The following DMD variants were observed in gnomAD, a reference collection of about 807,000 sequenced individuals.
DMD encodes dystrophin.
In DMD, 63 loss-of-function variants were observed where a neutral mutation model predicts 330.1. That is an observed-to-expected ratio of 0.19 (90% CI 0.16 to 0.24). The LOEUF is 0.24. Ranked by LOEUF, DMD falls within the 10% of genes least tolerant of loss-of-function variation. The probability of loss-of-function intolerance (pLI) is 1.00; values close to 1 mark genes in which losing one functional copy is unlikely to be tolerated. For missense variants in DMD, 3,344 were observed against 2,684.1 expected, an observed-to-expected ratio of 1.25 and a Z score of -5.43; for synonymous variants, 1,223 against 959.8, an observed-to-expected ratio of 1.27 and a Z score of -5.07.
intron 68 of DMD, 77 bp downstream of exon 68, chrX:31,182,661 A>G (rs1355658211): frequency 1.0e-6 from 1 of 1,001,066 alleles, no homozygotes; most frequent in Non-Finnish European, 1.4e-6. Context: ...CAACTGGCAC[A>G]GGAGATAAAA....
chrX:31,164,309 C>A (rs1232152922), intron 74 of DMD, among the ~76,000 whole-genome samples: 1 of 111,133 alleles, frequency 9.0e-6, no homozygotes, highest in East Asian at 2.8e-4. Flanking sequence ...GACTGTCAGA[C>A]ATTTACACAT....
chrX:32,784,075 G>A (rs1473279975), intron 7 of DMD, among the ~76,000 whole-genome samples: 1 of 110,336 alleles, frequency 9.1e-6, no homozygotes, highest in East Asian at 2.8e-4. Flanking sequence ...TTTTTAAATA[G>A]CCCCAGGATG....
chrX:32,475,139 T>G (rs1424804875), intron 21 of DMD, among the ~76,000 whole-genome samples: 1 of 111,209 alleles, frequency 9.0e-6, no homozygotes, highest in African/African-American at 3.3e-5. Flanking sequence ...ATGTTTTTGT[T>G]TGCTTTGTTG....
intron 16 of DMD, among the ~76,000 whole-genome samples, chrX:32,547,864 G>A (rs978554200): frequency 4.5e-5 from 5 of 111,271 alleles, no homozygotes; most frequent in Non-Finnish European, 7.6e-5. Context: ...GAGGAATCCT[G>A]CCTGATTAAG....
intron 63 of DMD, among the ~76,000 whole-genome samples, chrX:31,229,940 T>C (rs1269741726): frequency 2.7e-5 from 3 of 112,088 alleles, no homozygotes; most frequent in Non-Finnish European, 3.8e-5. Flanking sequence ...TTCAGACAAA[T>C]TGAGTAATTT....
rs777169841 is a variant in DMD at position 31,583,526 on chromosome X, C to T, written c.8217+44147G>A. 3.6e-5 allele frequency among the ~76,000 whole-genome samples: 4 copies of T among 110,911 alleles called. No individual in the cohort carries two copies. In the South Asian group the frequency reaches 1.6e-3, roughly 43 times the overall value. ...TGATTTTCTTAGTGAGAGCAGTTTG[C>T]CTGGCACGGTAGGAGTAATAGCCAG... is the stretch of plus-strand genomic sequence containing the variant. On this transcript the variant is annotated intron_variant, in intron 55 of 78. Coordinates refer to ENST00000357033, the MANE Select transcript of DMD (RefSeq NM_004006.3).
intron 9 of DMD, among the ~76,000 whole-genome samples, chrX:32,663,955 A>T (rs921476033): frequency 2.7e-5 from 3 of 110,959 alleles, no homozygotes; most frequent in African/African-American, 9.8e-5. Context: ...AGAAAGGAGG[A>T]GGTGATTGTG....
rs1299919654 is a variant in DMD at position 32,483,052 on chromosome X, C to T, written c.2803+1867G>A. On this transcript the variant is annotated intron_variant, in intron 21 of 78. Transcript: ENST00000357033. Reference sequence around the variant, plus strand: ...TGAGATTTACTCCCTGGTGCCAGTTCGGATATAATGCATACACATGTGCAA... The same window carrying T: ...TGAGATTTACTCCCTGGTGCCAGTTTGGATATAATGCATACACATGTGCAA... 1.9e-5 allele frequency among the ~76,000 whole-genome samples: 2 copies of T among 103,847 alleles called. 1 individual carries two copies. Among genetic ancestry groups the T allele is most frequent in the East Asian group, 6.2e-4 (2 of 3,246 alleles). 90.2% of individuals were successfully genotyped at this position (103,847 alleles called of 115,157 possible). A position where few individuals can be genotyped will look rare whatever the true frequency, so the allele number is the denominator to read the frequency against.
At chrX:31,740,274 T>C (rs776829120) in intron 51 of DMD, among the ~76,000 whole-genome samples, 24 of 112,586 alleles carry the variant, frequency 2.1e-4, no homozygotes, top group Admixed American at 1.4e-3. Flanking sequence ...TCACATTTCT[T>C]GAAACTCTAT....
intron 61 of DMD, among the ~76,000 whole-genome samples, chrX:31,325,267 T>C (rs2056698510): frequency 9.1e-6 from 1 of 109,650 alleles, no homozygotes; most frequent in Admixed American, 9.8e-5. Flanking sequence ...AGCTCTCCTG[T>C]CCAAATAAGT....
intron 55 of DMD, among the ~76,000 whole-genome samples, chrX:31,569,262 T>C (rs2075627562): frequency 9.0e-6 from 1 of 110,989 alleles, no homozygotes; most frequent in Admixed American, 9.6e-5. Flanking sequence ...GCAGATTTGC[T>C]AGCAAGAAAT....
intron 36 of DMD, among the ~76,000 whole-genome samples, chrX:32,364,118 C>T (rs2097846343): frequency 9.0e-6 from 1 of 111,659 alleles, no homozygotes; most frequent in South Asian, 3.7e-4. Flanking sequence ...AAAATGAAAA[C>T]CTCAGCTTTA....
intron 47 of DMD, among the ~76,000 whole-genome samples, chrX:31,876,043 G>T (rs745973790): frequency 9.8e-5 from 11 of 112,339 alleles, no homozygotes; most frequent in African/African-American, 3.6e-4. Context: ...ACAGAAGCAG[G>T]TGGTTGAGAT....
At chrX:32,547,390 T>C (rs994732712) in intron 16 of DMD, among the ~76,000 whole-genome samples, 1 of 110,836 alleles carries the variant, frequency 9.0e-6, no homozygotes, top group Non-Finnish European at 1.9e-5. Flanking sequence ...TACTCAACCT[T>C]TTAAGAAAGA....
intron 46 of DMD, among the ~76,000 whole-genome samples, chrX:31,931,649 C>T (rs1370585127): frequency 3.6e-5 from 4 of 111,065 alleles, no homozygotes; most frequent in Non-Finnish European, 7.6e-5. Flanking sequence ...GGTAGGTAAC[C>T]AGGACAGATT....
At chrX:31,625,271 C>T (rs1044616206) in intron 55 of DMD, among the ~76,000 whole-genome samples, 6 of 111,903 alleles carry the variant, frequency 5.4e-5, no homozygotes, top group African/African-American at 9.7e-5. Flanking sequence ...ATAGTTAAGA[C>T]GCAAATGTTG....
chrX:32,864,659 G>A (rs901347663), intron 2 of DMD, among the ~76,000 whole-genome samples: 2 of 111,177 alleles, frequency 1.8e-5, no homozygotes, highest in Admixed American at 9.6e-5. Flanking sequence ...ATTTGACATC[G>A]GGGGTTTCAT....
chrX:31,217,244 C>G (rs929947707), intron 64 of DMD, among the ~76,000 whole-genome samples: 3 of 111,934 alleles, frequency 2.7e-5, no homozygotes, highest in Non-Finnish European at 3.8e-5. Context: ...TCCTGCTTTT[C>G]TACCAAGTTT....
rs925820429 is a variant in DMD, at chrX:31,121,686, CAGACTT to C, written c.*227_*232del. ...CCTGCCATTGTTAACAAAACAATAA[CAGACTT>C]AGAAACTACTGAAATCTACAGTATA... On this transcript the variant is annotated 3_prime_UTR_variant, in exon 79 of 79. Coordinates refer to ENST00000357033, the MANE Select transcript of DMD (RefSeq NM_004006.3). 2.8e-5 allele frequency: 13 copies of C among 468,061 alleles called. No individual in the cohort carries two copies. In the South Asian group the frequency reaches 2.8e-4, roughly 10 times the overall value. 38.6% of individuals were successfully genotyped at this position (468,061 alleles called of 1,213,427 possible). A position where few individuals can be genotyped will look rare whatever the true frequency, so the allele number is the denominator to read the frequency against.
Sources: gnomAD v4.1 joint callset for allele counts (sites outside exome capture counted in the v4.1 genomes callset) on GRCh38, gnomAD v4.1.1 for gene constraint, MANE v1.5 for transcripts, NCBI Gene and HGNC (gene_info 2026-07-23, HGNC 2026-07-21) for gene names.